Variants in TRIM35 observed in about 807,000 individuals in gnomAD.
TRIM35 encodes the protein tripartite motif containing 35, also known as E3 ubiquitin-protein ligase TRIM35.
A neutral mutation model predicts 49.1 loss-of-function variants in TRIM35; 37 were observed. That is an observed-to-expected ratio of 0.75 (90% CI 0.58 to 0.99). The LOEUF (loss-of-function observed/expected upper bound fraction) is 0.99. TRIM35 is among the 50% of genes least tolerant of loss of function. The probability of loss-of-function intolerance (pLI) is 0.00; values close to 1 mark genes in which losing one functional copy is unlikely to be tolerated. For synonymous variants in TRIM35, 302 were observed against 289.3 expected (o/e 1.04, Z -0.45); for missense variants, 648 against 702.7 (o/e 0.92, Z 0.88).
At chr8:27,293,959 TCC>T (rs1277507729) in intron 3 of TRIM35, 119 bp downstream of exon 3, 6 of 929,508 alleles carry the variant, frequency 6.5e-6, no homozygotes, top group African/African-American at 1.6e-5. Context: ...TGTGAGCTCC[TCC>T]AGGCCAGTAC....
intron 3 of TRIM35, 30 bp downstream of exon 3, chr8:27,294,050 G>A (rs1215502371): frequency 6.2e-7 from 1 of 1,604,186 alleles, no homozygotes; most frequent in Admixed American, 1.7e-5. Context: ...ATGTGGCCCT[G>A]TCACTGAATC....
At position 27,311,042 on chromosome 8, in the gene TRIM35, G is replaced by A. The variant is rs1226013472; in HGVS notation, c.194C>T (p.Ser65Leu). ...GTGGTTGGTGCGCAGGTCGGCGGGT[G>A]ACGCGCGGTCTTTGCACACTGGGCA... ...PTCPVCKDRA[S>L]PADLRTNHTL... The change falls in exon 1 of 6, where the codon TCA (serine) becomes TTA (leucine). Residue 65 changes from serine (S) to leucine (L), a missense_variant. Transcript: ENST00000305364. The A allele has an allele frequency of 6.2e-7, 1 of 1,600,604 alleles. No homozygotes were observed. Among genetic ancestry groups the A allele is most frequent in the Admixed American group, 1.7e-5 (1 of 57,618 alleles).
intron 1 of TRIM35, among the ~76,000 whole-genome samples, chr8:27,299,145 A>G (rs1322271213): frequency 6.6e-6 from 1 of 152,112 alleles, no homozygotes; most frequent in African/African-American, 2.4e-5. Flanking sequence ...CGCACGGAAT[A>G]CTTTAATCAG....
chr8:27,311,064 G>C lies in TRIM35; in HGVS notation c.172C>G (p.Pro58Ala). 5 of 1,596,994 alleles carry C rather than the reference G, an allele frequency of 3.1e-6. No individual in the cohort carries two copies. Among genetic ancestry groups the C allele is most frequent in the Non-Finnish European group, 4.3e-6 (5 of 1,172,640 alleles). The stretch of plus-strand genomic sequence containing the variant: ...GGTGACGCGCGGTCTTTGCACACTG[G>C]GCAGGTGGGCGACACCTGCACCTCC... ...CWEVQVSPTC[P>A]VCKDRASPAD... The change falls in exon 1 of 6, where the codon CCA becomes GCA. Residue 58 changes from proline (P) to alanine (A), a missense_variant. Coordinates refer to ENST00000305364, the MANE Select transcript of TRIM35 (RefSeq NM_171982.5).
chr8:27,298,093 G>A (rs1157341906), intron 2 of TRIM35, among the ~76,000 whole-genome samples: 1 of 152,366 alleles, frequency 6.6e-6, no homozygotes, highest in African/African-American at 2.4e-5. Flanking sequence ...TTTGGAGATA[G>A]GGGAATAGGA....
chr8:27,287,587 G>C lies in TRIM35; in HGVS notation c.1445C>G (p.Pro482Arg). 6.2e-7 allele frequency: 1 copy of C among 1,601,570 alleles called. No individual in the cohort carries two copies. The highest frequency in any genetic ancestry group is 1.3e-5 in the African/African-American group (1 of 74,934). The stretch of plus-strand genomic sequence containing the variant: ...TTCTTCCTTGACACTGATGTGCAAG[G>C]GGCAGATGCGCAAAGGCTCTGGAGG... The part of the protein sequence containing the change: ...AGPPEPLRIC[P>R]LHISVKEELD... The change falls in exon 6 of 6, where the codon CCC (proline) becomes CGC (arginine). Residue 482 changes from proline to arginine, a missense_variant. Physicochemically the swap from Pro to Arg is moderately radical, Grantham distance 103. Coordinates refer to ENST00000305364, the MANE Select transcript of TRIM35 (RefSeq NM_171982.5). This position sits in a 1 kb window ranked among gnomAD's most constrained non-coding sequence, Gnocchi z 6.0.
At chr8:27,291,259 A>G (rs531059195) in intron 3 of TRIM35, among the ~76,000 whole-genome samples, 1 of 152,278 alleles carries the variant, frequency 6.6e-6, no homozygotes, top group South Asian at 2.1e-4. Flanking sequence ...GTGAATAGAC[A>G]TTTGTCCAAG....
rs1027372513 is a variant in TRIM35 at position 27,285,818 on chromosome 8, G to A, written c.*1732C>T. ...GTGGGATAAATACTTTACAGGAGAGGGTCACACTCTCAGACACTTTGGCTC... is the reference window on the plus strand; with the variant it reads ...GTGGGATAAATACTTTACAGGAGAGAGTCACACTCTCAGACACTTTGGCTC... On this transcript the variant is annotated 3_prime_UTR_variant, in exon 6 of 6. Coordinates refer to ENST00000305364, the MANE Select transcript of TRIM35 (RefSeq NM_171982.5). 1.1e-5 allele frequency: 2 copies of A among 182,826 alleles called. No individual in the cohort carries two copies. The highest frequency in any genetic ancestry group is 4.7e-5 in the African/African-American group (2 of 42,352). 11.3% of individuals were successfully genotyped at this position (182,826 alleles called of 1,614,324 possible).
At chr8:27,301,708 A>T (rs1459638352) in intron 1 of TRIM35, among the ~76,000 whole-genome samples, 3 of 152,184 alleles carry the variant, frequency 2.0e-5, no homozygotes, top group Non-Finnish European at 4.4e-5. Context: ...TAGGATTAGT[A>T]TACTAGTTTT....
intron 2 of TRIM35, among the ~76,000 whole-genome samples, chr8:27,296,154 CT>C (rs563260897): frequency 0.02 from 2,589 of 129,388 alleles, 36 homozygotes; most frequent in African/African-American, 0.039. Context: ...GGGTGATTCT[CT>C]TTTTTTTTTT....
chr8:27,310,804 A>C lies in TRIM35; in HGVS notation c.432T>G (p.Phe144Leu). 1.3e-6 allele frequency: 2 copies of C among 1,583,802 alleles called. No homozygotes were observed. Among genetic ancestry groups the C allele is most frequent in the East Asian group, 2.3e-5 (1 of 44,124 alleles). The change falls in exon 1 of 6, where the codon TTT becomes TTG. Residue 144 changes from phenylalanine (F) to leucine (L), a missense_variant. Phe to Leu is a conservative substitution (Grantham distance 22, BLOSUM62 0). Transcript: ENST00000305364. ...VQPVKDTAHD[F>L]RAKCRNMEHA... ...TCGTGCAAATCGCTGCTCTTACCCG[A>C]AAGTCGTGGGCAGTGTCCTTCACCG...
intron 3 of TRIM35, among the ~76,000 whole-genome samples, chr8:27,292,132 C>A (rs574674627): frequency 1.6e-4 from 25 of 152,196 alleles, no homozygotes; most frequent in Non-Finnish European, 3.2e-4. Context: ...CAACAAGGAA[C>A]CACATATATG....
intron 5 of TRIM35, among the ~76,000 whole-genome samples, 157 bp from the exon 6 acceptor site, chr8:27,288,284 G>C (rs1392978126): frequency 6.6e-6 from 1 of 152,160 alleles, no homozygotes; most frequent in Non-Finnish European, 1.5e-5. Flanking sequence ...GGGTTGGGCT[G>C]TATCCCCCAG....
chr8:27,295,341 G>A (rs1229860794), intron 2 of TRIM35, among the ~76,000 whole-genome samples: 2 of 152,166 alleles, frequency 1.3e-5, no homozygotes, highest in Non-Finnish European at 2.9e-5. Flanking sequence ...ACAATTCCAT[G>A]ACAACTGTTG....
chr8:27,297,249 C>T (rs1013686470), intron 2 of TRIM35, among the ~76,000 whole-genome samples: 8 of 152,288 alleles, frequency 5.3e-5, no homozygotes, highest in East Asian at 1.9e-4. Context: ...CTGAGGACAG[C>T]GCCCAGCAAC....
At position 27,286,372 on chromosome 8, in the gene TRIM35, G is replaced by A. The variant is rs182146891; in HGVS notation, c.*1178C>T. ...AGCCTCCTCTTCCCTCTCCCACAGCGTTTAGGGCCACGTCCATGGCGCCAC... is the reference window on the plus strand; with the variant it reads ...AGCCTCCTCTTCCCTCTCCCACAGCATTTAGGGCCACGTCCATGGCGCCAC... On this transcript the variant is annotated 3_prime_UTR_variant, in exon 6 of 6. Coordinates refer to ENST00000305364, the MANE Select transcript of TRIM35 (RefSeq NM_171982.5). 9.0e-5 allele frequency: 31 copies of A among 343,726 alleles called. No individual in the cohort carries two copies. Among genetic ancestry groups the A allele is most frequent in the Non-Finnish European group, 9.8e-5 (17 of 174,258 alleles). The allele number at this position is 343,726 out of a possible 1,614,324, so 21.3% of individuals were successfully genotyped here.
rs1802918559 is a variant in TRIM35 at position 27,310,781 on chromosome 8, G to A, written c.435+20C>T. The A allele has an allele frequency of 6.4e-7, 1 of 1,556,412 alleles. No individual in the cohort carries two copies. Among genetic ancestry groups the A allele is most frequent in the Non-Finnish European group, 8.7e-7 (1 of 1,146,844 alleles). On this transcript the variant is annotated intron_variant, in intron 1 of 5. Coordinates refer to ENST00000305364, the MANE Select transcript of TRIM35 (RefSeq NM_171982.5). ...GTTCCAGACCCGGCTCGGCCGCCTC[G>A]TGCAAATCGCTGCTCTTACCCGAAA...
chr8:27,287,453 G>T lies in TRIM35; in HGVS notation c.*97C>A. On this transcript the variant is annotated 3_prime_UTR_variant, in exon 6 of 6. Transcript: ENST00000305364. The surrounding 1 kb of genome is among the most constrained non-coding windows in gnomAD (Gnocchi z 6.0). ...GACAGGAGGAAGAGCCTGGCAAGGA[G>T]GCAGGGGCGCAATAGTGCCCAAGCA... The T allele has an allele frequency of 7.8e-7, 1 of 1,282,566 alleles. No homozygotes were observed. The highest frequency in any genetic ancestry group is 1.1e-6 in the Non-Finnish European group (1 of 943,700). The allele number at this position is 1,282,566 out of a possible 1,614,324, so 79.4% of individuals were successfully genotyped here. A position where few individuals can be genotyped will look rare whatever the true frequency, so the allele number is the denominator to read the frequency against.
chr8:27,296,422 G>A (rs535332712), intron 2 of TRIM35, among the ~76,000 whole-genome samples: 4 of 152,240 alleles, frequency 2.6e-5, no homozygotes, highest in African/African-American at 7.2e-5. Flanking sequence ...GGGCAATGAC[G>A]GCCTCACTGT....
Sources: allele counts gnomAD v4.1 joint callset (sites outside exome capture counted in the v4.1 genomes callset), GRCh38; gene constraint gnomAD v4.1.1; non-coding constraint Gnocchi (gnomAD v3.1); transcripts MANE v1.5; gene names NCBI Gene and HGNC (gene_info 2026-07-23, HGNC 2026-07-21).